Variants in SH3RF1 observed in about 807,000 individuals in gnomAD.
SH3RF1 encodes SH3 domain containing ring finger 1.
In SH3RF1, 32 loss-of-function variants were observed where a neutral mutation model predicts 74.0. That is an observed-to-expected ratio of 0.43 (90% CI 0.33 to 0.58). SH3RF1 has a LOEUF of 0.58. Among genes scored for constraint, SH3RF1 ranks in the 20% least tolerant of loss-of-function variants. SH3RF1 has a pLI of 0.05. For missense variants in SH3RF1, 954 were observed against 1,130.9 expected (o/e 0.84, Z 2.24); for synonymous variants, 396 against 439.6 (o/e 0.90, Z 1.24).
rs534473147 is a variant in SH3RF1, at chr4:169,192,573, C to T, written c.394-35894G>A. ...CTAGTACAACCACTATGGAAAACAG[C>T]GTGGAGATTCCTTAAAGAACTAAAA... On this transcript the variant is annotated intron_variant, in intron 2 of 11. Transcript: ENST00000284637. Among the ~76,000 whole-genome samples, 21 of 152,096 alleles carry T rather than the reference C, an allele frequency of 1.4e-4. No homozygotes were observed. In the South Asian group the frequency reaches 1.4e-3, roughly 11 times the overall value.
At chr4:169,175,838 A>G (rs1192627686) in intron 2 of SH3RF1, among the ~76,000 whole-genome samples, 1 of 152,144 alleles carries the variant, frequency 6.6e-6, no homozygotes, top group Non-Finnish European at 1.5e-5. Flanking sequence ...CCATCCCCCA[A>G]TTCATAAATT....
intron 8 of SH3RF1, 130 bp from the exon 9 acceptor site, chr4:169,117,912 T>C: frequency 8.4e-7 from 1 of 1,188,122 alleles, no homozygotes; most frequent in Non-Finnish European, 1.2e-6. Context: ...GAATTATTTT[T>C]ATAAAGTTTA....
chr4:169,165,337 C>A (rs1734218077), intron 2 of SH3RF1, among the ~76,000 whole-genome samples: 1 of 152,084 alleles, frequency 6.6e-6, no homozygotes, highest in Admixed American at 6.6e-5. Context: ...TAGGGAGATT[C>A]AGAAACACAA....
At chr4:169,263,587 C>A (rs1309087423) in intron 2 of SH3RF1, among the ~76,000 whole-genome samples, 3 of 152,198 alleles carry the variant, frequency 2.0e-5, no homozygotes, top group Non-Finnish European at 2.9e-5. Flanking sequence ...TCCTTCAATT[C>A]TTTCTGCCAA....
At chr4:169,201,782 TC>T (rs1734912696) in intron 2 of SH3RF1, 1 of 152,212 alleles carries the variant, frequency 6.6e-6, no homozygotes, top group Admixed American at 6.5e-5. Flanking sequence ...TTTTATTTTT[TC>T]CAATGTAAGT....
At chr4:169,212,678 C>T (rs56324525) in intron 2 of SH3RF1, among the ~76,000 whole-genome samples, 6 of 152,052 alleles carry the variant, frequency 3.9e-5, no homozygotes, top group African/African-American at 1.4e-4. Context: ...ACATTTCTTA[C>T]AATCAGTGAA....
Position 169,141,289 on chromosome 4 carries a change from A to G in SH3RF1, c.766-4669T>C, listed in dbSNP as rs115892955. On this transcript the variant is annotated intron_variant, in intron 4 of 11. Transcript: ENST00000284637. ...TAATACAAATAAAACCAAGCAATCC[A>G]TTCTATTCTCTCATGAAATAATATT... Among the ~76,000 whole-genome samples the G allele has an allele frequency of 8.2e-3, 1,244 of 152,218 alleles. 22 individuals are homozygous for G. The highest frequency in any genetic ancestry group is 0.028 in the African/African-American group (1,184 of 41,554).
chr4:169,205,843 C>T (rs1445522612), intron 2 of SH3RF1, among the ~76,000 whole-genome samples: 1 of 152,166 alleles, frequency 6.6e-6, no homozygotes, highest in Non-Finnish European at 1.5e-5. Flanking sequence ...CATATCCTGA[C>T]TTGAGAAAAC....
At chr4:169,218,845 A>C (rs1247949262) in intron 2 of SH3RF1, among the ~76,000 whole-genome samples, 1 of 152,206 alleles carries the variant, frequency 6.6e-6, no homozygotes, top group Non-Finnish European at 1.5e-5. Flanking sequence ...AAAAATGTTA[A>C]GTAAAAGTAA....
At chr4:169,161,954 C>T (rs556536935) in intron 2 of SH3RF1, among the ~76,000 whole-genome samples, 49 of 152,148 alleles carry the variant, frequency 3.2e-4, no homozygotes, top group African/African-American at 1.1e-3. Flanking sequence ...CTGAGACAGG[C>T]GGATCACTTA....
chr4:169,224,880 A>C (rs575123836), intron 2 of SH3RF1, among the ~76,000 whole-genome samples: 29 of 152,282 alleles, frequency 1.9e-4, no homozygotes, highest in African/African-American at 6.3e-4. Flanking sequence ...TGGAATGGAA[A>C]ATTGGGGCCA....
chr4:169,196,316 A>AT (rs1482474423), intron 2 of SH3RF1, among the ~76,000 whole-genome samples: 1 of 152,144 alleles, frequency 6.6e-6, no homozygotes, highest in Non-Finnish European at 1.5e-5. Context: ...AATTAAGCCA[A>AT]TTTTTTCTTA....
At chr4:169,222,788 CTT>C (rs771772514) in intron 2 of SH3RF1, among the ~76,000 whole-genome samples, 136 of 152,258 alleles carry the variant, frequency 8.9e-4, no homozygotes, top group Non-Finnish European at 1.1e-3. Flanking sequence ...TTTTGTGACA[CTT>C]TAACTTTAAT....
At chr4:169,188,985 C>A (rs1355545688) in intron 2 of SH3RF1, among the ~76,000 whole-genome samples, 1 of 151,316 alleles carries the variant, frequency 6.6e-6, no homozygotes, top group East Asian at 1.9e-4. Context: ...AGTGCAAAAG[C>A]AAAAAACAAC....
rs145713939 is a variant in SH3RF1, at chr4:169,211,593, G to A, written c.394-54914C>T. On this transcript the variant is annotated intron_variant, in intron 2 of 11. Transcript: ENST00000284637. ...TATCGCAATAGCACTTGTCTACTATGAATAAGGGACGAGTCTAAACTGTAC... is the reference window on the plus strand; with the variant it reads ...TATCGCAATAGCACTTGTCTACTATAAATAAGGGACGAGTCTAAACTGTAC... Among the ~76,000 whole-genome samples the A allele has an allele frequency of 4.9e-4, 74 of 152,130 alleles. 1 individual carries two copies. The highest frequency in any genetic ancestry group is 1.5e-3 in the African/African-American group (62 of 41,502).
At chr4:169,168,470 G>T (rs1734279899) in intron 2 of SH3RF1, among the ~76,000 whole-genome samples, 1 of 152,176 alleles carries the variant, frequency 6.6e-6, no homozygotes. Context: ...AATATTGACA[G>T]AAAAGCTGTA....
chr4:169,240,439 C>T (rs115118234), intron 2 of SH3RF1, among the ~76,000 whole-genome samples: 2,687 of 152,156 alleles, frequency 0.018, 76 homozygotes, highest in African/African-American at 0.062. Flanking sequence ...CTCAAGCAAT[C>T]GACCTACCTC....
At chr4:169,230,853 C>T (rs1730725770) in intron 2 of SH3RF1, among the ~76,000 whole-genome samples, 1 of 61,376 alleles carries the variant, frequency 1.6e-5, no homozygotes, top group Non-Finnish European at 4.7e-5. Context: ...GAGAAACCAC[C>T]TCAAAAAAAA....
chr4:169,177,645 T>C (rs1734442597), intron 2 of SH3RF1, among the ~76,000 whole-genome samples: 2 of 152,212 alleles, frequency 1.3e-5, no homozygotes, highest in African/African-American at 4.8e-5. Context: ...TAGGCACATT[T>C]CAACTATGTG....
Sources: gnomAD v4.1 joint callset for allele counts (sites outside exome capture counted in the v4.1 genomes callset) on GRCh38, gnomAD v4.1.1 for gene constraint, MANE v1.5 for transcripts, NCBI Gene and HGNC (gene_info 2026-07-23, HGNC 2026-07-21) for gene names.